Variants in EXT2 observed in about 807,000 individuals in gnomAD.
EXT2 encodes the protein exostosin-2.
In EXT2, 53 loss-of-function variants were observed where a neutral mutation model predicts 81.6. That is an observed-to-expected ratio of 0.65 (90% CI 0.52 to 0.82). The LOEUF is 0.82. Among genes scored for constraint, EXT2 ranks in the 40% least tolerant of loss-of-function variants. EXT2 has a pLI of 0.00. For synonymous variants in EXT2, 320 were observed against 340.0 expected (o/e 0.94, Z 0.65); for missense variants, 774 against 910.2 (o/e 0.85, Z 1.93).
At chr11:44,176,652 C>G (rs1025354379) in intron 8 of EXT2, among the ~76,000 whole-genome samples, 1 of 152,144 alleles carries the variant, frequency 6.6e-6, no homozygotes, top group Admixed American at 6.5e-5. Flanking sequence ...CTCCTCTTCC[C>G]TCAGAAATAT....
chr11:44,203,905 T>C (rs1178526474), intron 9 of EXT2, among the ~76,000 whole-genome samples: 1 of 152,248 alleles, frequency 6.6e-6, no homozygotes, highest in Non-Finnish European at 1.5e-5. Flanking sequence ...CCAGTTCAGC[T>C]ATCACTAACA....
In EXT2 at chr11:44,245,145, C is replaced by T. The variant is rs1422788484; in HGVS notation, c.*858C>T. The T allele has an allele frequency of 1.3e-5, 3 of 230,032 alleles. No homozygotes were observed. Among genetic ancestry groups the T allele is most frequent in the Non-Finnish European group, 2.6e-5 (3 of 115,896 alleles). 14.2% of individuals were successfully genotyped at this position (230,032 alleles called of 1,614,324 possible). A position where few individuals can be genotyped will look rare whatever the true frequency, so the allele number is the denominator to read the frequency against. The stretch of plus-strand genomic sequence containing the variant: ...ATGACTCAGAAACCTCCAGAGGAAT[C>T]TGTTTGCTTCCTGATTAGATCCAGT... On this transcript the variant is annotated 3_prime_UTR_variant, in exon 14 of 14. Transcript: ENST00000533608.
At chr11:44,222,902 C>G (rs1955797348) in intron 10 of EXT2, among the ~76,000 whole-genome samples, 2 of 152,134 alleles carry the variant, frequency 1.3e-5, no homozygotes, top group African/African-American at 4.8e-5. Context: ...GGCTAAACAT[C>G]TAGAATATGT....
intron 10 of EXT2, among the ~76,000 whole-genome samples, chr11:44,210,843 C>T (rs1414609634): frequency 1.3e-5 from 2 of 152,174 alleles, no homozygotes; most frequent in African/African-American, 2.4e-5. Flanking sequence ...ATATACCATG[C>T]TTGTGGATCC....
In EXT2 at chr11:44,119,165, T is replaced by C. The variant is rs913895860; in HGVS notation, c.743+4864T>C. 2.8e-3 allele frequency among the ~76,000 whole-genome samples: 135 copies of C among 48,036 alleles called. 3 individuals are homozygous for C. Among genetic ancestry groups the C allele is most frequent in the East Asian group, 0.011 (18 of 1,600 alleles). The allele number at this position is 48,036 out of a possible 152,430, so 31.5% of individuals were successfully genotyped here. A position where few individuals can be genotyped will look rare whatever the true frequency, so the allele number is the denominator to read the frequency against. The stretch of plus-strand genomic sequence containing the variant: ...ATATATATATATATATATATATATA[T>C]ATATACACATACACACACACACACA... On this transcript the variant is annotated intron_variant, in intron 4 of 13. Transcript: ENST00000533608.
intron 1 of EXT2, among the ~76,000 whole-genome samples, chr11:44,097,170 A>G (rs961369592): frequency 2.0e-5 from 3 of 152,252 alleles, no homozygotes; most frequent in Admixed American, 2.0e-4. Context: ...TGAAGATTAA[A>G]TAAGTTAACA....
At chr11:44,171,807 A>G in intron 8 of EXT2, 65 bp downstream of exon 8, 1 of 1,598,966 alleles carries the variant, frequency 6.3e-7, no homozygotes, top group Non-Finnish European at 8.5e-7. Flanking sequence ...TGGAAGGAAA[A>G]ATGTACTACA....
At chr11:44,187,139 G>A (rs34928981) in intron 8 of EXT2, among the ~76,000 whole-genome samples, 37,877 of 147,596 alleles carry the variant, frequency 0.26, 5,823 homozygotes, top group Admixed American at 0.43. Context: ...CTGGGCTCAA[G>A]TGATCCTCCC....
At chr11:44,152,426 C>G (rs1244173615) in intron 7 of EXT2, among the ~76,000 whole-genome samples, 1 of 152,164 alleles carries the variant, frequency 6.6e-6, no homozygotes, top group Non-Finnish European at 1.5e-5. Flanking sequence ...TCTCAGCTCA[C>G]TGCAGCCTCC....
chr11:44,192,651 A>C (rs1158294470), intron 8 of EXT2, among the ~76,000 whole-genome samples: 1 of 152,168 alleles, frequency 6.6e-6, no homozygotes, highest in African/African-American at 2.4e-5. Context: ...GTTTATGTAC[A>C]TAATCTCGTT....
In EXT2 at chr11:44,107,687, G is replaced by A. The variant is rs369437823; in HGVS notation, c.-26G>A. On this transcript the variant is annotated 5_prime_UTR_variant, in exon 2 of 14. The change creates a new upstream start codon in the 5' untranslated region. Transcript: ENST00000533608. ...ATTTCTCTCCCTGGTGACCAGGAGT[G>A]TGAGGAAGAGGCTGTCTGTGTCATT... The A allele has an allele frequency of 1.9e-6, 3 of 1,608,346 alleles. No homozygotes were observed. Among genetic ancestry groups the A allele is most frequent in the Non-Finnish European group, 2.6e-6 (3 of 1,175,194 alleles).
At chr11:44,203,368 CT>C (rs1287085784) in intron 9 of EXT2, among the ~76,000 whole-genome samples, 1 of 152,176 alleles carries the variant, frequency 6.6e-6, no homozygotes, top group Non-Finnish European at 1.5e-5. Flanking sequence ...AGATTCACAC[CT>C]TACTAATCAC....
intron 9 of EXT2, among the ~76,000 whole-genome samples, chr11:44,199,929 C>T (rs1955502456): frequency 6.6e-6 from 1 of 152,050 alleles, no homozygotes; most frequent in Admixed American, 6.6e-5. Flanking sequence ...ACTGATGAGG[C>T]CCTAATTTTG....
At chr11:44,172,291 G>A (rs1312692043) in intron 8 of EXT2, among the ~76,000 whole-genome samples, 1 of 152,240 alleles carries the variant, frequency 6.6e-6, no homozygotes, top group Non-Finnish European at 1.5e-5. Flanking sequence ...AGATGGAGCA[G>A]TCAGAAGCTG....
chr11:44,171,542 A>G (rs1955073287), intron 7 of EXT2, 69 bp from the exon 8 acceptor site: 10 of 1,610,674 alleles, frequency 6.2e-6, no homozygotes, highest in South Asian at 1.1e-5. Context: ...GGAGTTGACT[A>G]TGATAGAGTA....
At chr11:44,119,127 TATATATATATA>T (rs1565201094) in intron 4 of EXT2, among the ~76,000 whole-genome samples, 612 of 28,798 alleles carry the variant, frequency 0.021, 27 homozygotes, top group African/African-American at 0.07. Context: ...TGGCTATTTA[TATATATATATA>T]TATATATATA....
Position 44,235,225 on chromosome 11 carries a change from C to CTTTTTT in EXT2, c.1935+1002_1935+1007dup, listed in dbSNP as rs35214626. Among the ~76,000 whole-genome samples the CTTTTTT allele has an allele frequency of 5.0e-3, 253 of 50,788 alleles. 10 individuals carry two copies. The highest frequency in any genetic ancestry group is 0.024 in the Middle Eastern group (1 of 42). 33.3% of individuals were successfully genotyped at this position (50,788 alleles called of 152,430 possible). A position where few individuals can be genotyped will look rare whatever the true frequency, so the allele number is the denominator to read the frequency against. ...GGGACCCTTCCCATCCCCAAATTTG[C>CTTTTTT]TTTTTTTTTTTTTTTTTTTTTTTTT... is the stretch of plus-strand genomic sequence containing the variant. On this transcript the variant is annotated intron_variant, in intron 12 of 13. Coordinates refer to ENST00000533608, the MANE Select transcript of EXT2 (RefSeq NM_207122.2).
At chr11:44,202,458 C>T (rs1209284883) in intron 9 of EXT2, among the ~76,000 whole-genome samples, 5 of 152,142 alleles carry the variant, frequency 3.3e-5, no homozygotes, top group Non-Finnish European at 7.3e-5. Context: ...GACCAAAGTT[C>T]CATGTTCTTT....
rs866091320 is a variant in EXT2, at chr11:44,222,786, C to G, written c.1663-9567C>G. On this transcript the variant is annotated intron_variant, in intron 10 of 13. Transcript: ENST00000533608. ...AAAAAAAAAAATTGACCAATGAGAC[C>G]TCATCAAAATGTAAAACTTTTGCTC... Among the ~76,000 whole-genome samples the G allele has an allele frequency of 9.3e-5, 14 of 150,110 alleles. No individual in the cohort carries two copies. In the Middle Eastern group the frequency reaches 0.017, roughly 184 times the overall value.
Sources: allele counts gnomAD v4.1 joint callset (sites outside exome capture counted in the v4.1 genomes callset), GRCh38; gene constraint gnomAD v4.1.1; transcripts MANE v1.5; gene names NCBI Gene and HGNC (gene_info 2026-07-23, HGNC 2026-07-21).